Variants in CDH11 observed in about 807,000 individuals in gnomAD.
CDH11 encodes the protein cadherin-11.
A neutral mutation model predicts 67.8 loss-of-function variants in CDH11; 11 were observed. The observed-to-expected ratio is 0.16, with a 90% CI of 0.10 to 0.27. The LOEUF is 0.27. Ranked by LOEUF, CDH11 falls within the 10% of genes least tolerant of loss-of-function variation. The pLI is 1.00. For synonymous variants in CDH11, 419 were observed against 400.0 expected (o/e 1.05, Z -0.57); for missense variants, 847 against 1,031.2 (o/e 0.82, Z 2.45).
rs1223471923 is a variant in CDH11, at chr16:64,946,132, C to G, written c.*1471G>C. ...CTCATTCTGAGCTTACGGCCCCAAG[C>G]ATATTCTAAACAAAGCTTTTTTAAA... On this transcript the variant is annotated 3_prime_UTR_variant, in exon 13 of 13. Coordinates refer to ENST00000268603, the MANE Select transcript of CDH11 (RefSeq NM_001797.4). 1 of 1,055,246 alleles carries G rather than the reference C, an allele frequency of 9.5e-7. No individual in the cohort carries two copies. Among genetic ancestry groups the G allele is most frequent in the African/African-American group, 1.7e-5 (1 of 60,560 alleles). The allele number at this position is 1,055,246 out of a possible 1,614,324, so 65.4% of individuals were successfully genotyped here.
chr16:65,015,407 A>G (rs527477735), intron 2 of CDH11, among the ~76,000 whole-genome samples: 2 of 152,038 alleles, frequency 1.3e-5, no homozygotes, highest in Non-Finnish European at 2.9e-5. Context: ...TGAGATACAG[A>G]GATGATAACT....
intron 2 of CDH11, among the ~76,000 whole-genome samples, chr16:65,031,334 G>A (rs1324862672): frequency 6.6e-6 from 1 of 152,240 alleles, no homozygotes; most frequent in East Asian, 1.9e-4. Context: ...GCTAATGGTG[G>A]TGTTGGCTTG....
chr16:65,066,500 T>G (rs1597152382), intron 1 of CDH11, among the ~76,000 whole-genome samples: 2 of 152,242 alleles, frequency 1.3e-5, no homozygotes, highest in South Asian at 4.1e-4. Flanking sequence ...AACAGAAAAA[T>G]TAGCAGCAAA....
chr16:65,061,920 T>C (rs2074241162), intron 1 of CDH11, among the ~76,000 whole-genome samples: 1 of 152,172 alleles, frequency 6.6e-6, no homozygotes, highest in Admixed American at 6.5e-5. Context: ...TTTTTCTTCA[T>C]TTCACAACTA....
intron 2 of CDH11, among the ~76,000 whole-genome samples, chr16:65,005,369 T>G (rs2073029649): frequency 6.6e-6 from 1 of 152,184 alleles, no homozygotes; most frequent in Non-Finnish European, 1.5e-5. Flanking sequence ...AAACGGGGAA[T>G]TAAAGGAGTC....
chr16:65,001,550 C>T (rs1208011678), intron 3 of CDH11, among the ~76,000 whole-genome samples: 2 of 152,174 alleles, frequency 1.3e-5, no homozygotes, highest in South Asian at 2.1e-4. Context: ...AATGCCCAGA[C>T]ATTGAATCTT....
intron 1 of CDH11, among the ~76,000 whole-genome samples, chr16:65,084,252 G>A (rs1483344422): frequency 6.6e-6 from 1 of 152,188 alleles, no homozygotes; most frequent in Non-Finnish European, 1.5e-5. Context: ...ACTTTGGGAG[G>A]CCACGGTGGG....
At chr16:64,983,520 AGT>A (rs2072409547) in intron 7 of CDH11, among the ~76,000 whole-genome samples, 1 of 152,174 alleles carries the variant, frequency 6.6e-6, no homozygotes, top group African/African-American at 2.4e-5. Context: ...ATGGGCATAT[AGT>A]CATGGGGCTT....
At chr16:65,094,943 G>C (rs1315144593) in intron 1 of CDH11, 1 of 152,062 alleles carries the variant, frequency 6.6e-6, no homozygotes, top group Non-Finnish European at 1.5e-5. Flanking sequence ...CCCAGGATGT[G>C]GAGTTTTATT....
intron 2 of CDH11, among the ~76,000 whole-genome samples, chr16:65,021,677 T>G (rs1254721086): frequency 6.6e-6 from 1 of 150,422 alleles, no homozygotes; most frequent in Admixed American, 6.6e-5. Flanking sequence ...AATACCAGAC[T>G]CTAGGCAGGA....
chr16:65,120,461 T>C (rs898548364), intron 1 of CDH11, among the ~76,000 whole-genome samples: 3 of 152,050 alleles, frequency 2.0e-5, no homozygotes, highest in Admixed American at 6.6e-5. Flanking sequence ...ATTAAACCGA[T>C]AGCCATGATT....
At chr16:65,007,626 C>T (rs1022301626) in intron 2 of CDH11, among the ~76,000 whole-genome samples, 5 of 152,142 alleles carry the variant, frequency 3.3e-5, no homozygotes, top group African/African-American at 1.2e-4. Flanking sequence ...GAATCTGGCA[C>T]TAATTTGCCA....
At position 64,944,585 on chromosome 16, in the gene CDH11, C is replaced by T. The variant is rs1424132330; in HGVS notation, c.*3018G>A. 1.3e-5 allele frequency: 3 copies of T among 232,222 alleles called. No homozygotes were observed. The highest frequency in any genetic ancestry group is 5.6e-5 in the Admixed American group (1 of 17,732). The allele number at this position is 232,222 out of a possible 1,614,324, so 14.4% of individuals were successfully genotyped here. Reference sequence around the variant, plus strand: ...GATGTGAAGGATATGTCACAATGACCCAGGAGCAGTTTCAAATACTCCTGA... The same window carrying T: ...GATGTGAAGGATATGTCACAATGACTCAGGAGCAGTTTCAAATACTCCTGA... On this transcript the variant is annotated 3_prime_UTR_variant, in exon 13 of 13. Coordinates refer to ENST00000268603, the MANE Select transcript of CDH11 (RefSeq NM_001797.4).
Position 64,946,284 on chromosome 16 carries a change from G to T in CDH11, c.*1319C>A, listed in dbSNP as rs530739864. ...CAATAGCCTGGTAAGTTCAACAGAA[G>T]AAAAAATAGAATAACATTAGAGTCT... On this transcript the variant is annotated 3_prime_UTR_variant, in exon 13 of 13. Coordinates refer to ENST00000268603, the MANE Select transcript of CDH11 (RefSeq NM_001797.4). 1.1e-5 allele frequency: 11 copies of T among 1,045,882 alleles called. No homozygotes were observed. In the Admixed American group the frequency reaches 2.2e-4, roughly 21 times the overall value. The allele number at this position is 1,045,882 out of a possible 1,614,324, so 64.8% of individuals were successfully genotyped here.
At chr16:65,038,234 A>C (rs959590180) in intron 2 of CDH11, among the ~76,000 whole-genome samples, 1 of 151,952 alleles carries the variant, frequency 6.6e-6, no homozygotes, top group Non-Finnish European at 1.5e-5. Context: ...TTTTGTTTTG[A>C]TCTCACTGCT....
At chr16:65,095,430 T>C (rs2084249098) in intron 1 of CDH11, among the ~76,000 whole-genome samples, 2 of 152,244 alleles carry the variant, frequency 1.3e-5, no homozygotes, top group Non-Finnish European at 2.9e-5. Context: ...CATGTAATGA[T>C]CAGTTTTATG....
upstream of CDH11, chr16:65,122,137 G>T (rs1162996091): frequency 2.4e-5 from 12 of 508,842 alleles, no homozygotes; most frequent in East Asian, 2.4e-4. Flanking sequence ...GGTGCGGGGC[G>T]GGGGGGGCGG....
intron 11 of CDH11, among the ~76,000 whole-genome samples, chr16:64,952,022 T>C (rs2142374468): frequency 6.6e-6 from 1 of 152,334 alleles, no homozygotes. Flanking sequence ...GCTCACCTCC[T>C]ACTTTTTCCA....
intron 2 of CDH11, among the ~76,000 whole-genome samples, chr16:65,020,005 A>G (rs551987999): frequency 6.6e-6 from 1 of 152,312 alleles, no homozygotes; most frequent in Admixed American, 6.5e-5. Context: ...TTTCAATTAT[A>G]TATGTTACAA....
Sources: allele counts gnomAD v4.1 joint callset (sites outside exome capture counted in the v4.1 genomes callset), GRCh38; gene constraint gnomAD v4.1.1; transcripts MANE v1.5; gene names NCBI Gene and HGNC (gene_info 2026-07-23, HGNC 2026-07-21).